SCFD2: variants seen among roughly 807,000 people sequenced by gnomAD.
SCFD2 encodes sec1 family domain-containing protein 2.
In SCFD2, 54 loss-of-function variants were observed where a neutral mutation model predicts 58.9. The observed-to-expected ratio is 0.92, with a 90% CI of 0.74 to 1.15. The LOEUF is 1.15. Ranked by LOEUF, SCFD2 falls within the 50% of genes most tolerant of loss-of-function variation. The pLI, the probability that SCFD2 is intolerant of heterozygous loss-of-function variation, is 0.00. For missense variants in SCFD2, 805 were observed against 836.6 expected (o/e 0.96, Z 0.47); for synonymous variants, 321 against 335.9 (o/e 0.96, Z 0.49).
At chr4:53,341,333 G>A (rs1352041704) in intron 2 of SCFD2, among the ~76,000 whole-genome samples, 2 of 152,148 alleles carry the variant, frequency 1.3e-5, no homozygotes, top group Non-Finnish European at 2.9e-5. Context: ...TAGCCAATTC[G>A]ATCAAGTGGA....
intron 4 of SCFD2, among the ~76,000 whole-genome samples, chr4:53,193,181 T>C (rs1727963299): frequency 6.6e-6 from 1 of 152,088 alleles, no homozygotes; most frequent in South Asian, 2.1e-4. Flanking sequence ...GGAATGACAA[T>C]GTTAAGAAGT....
chr4:53,221,637 G>T (rs996593023), intron 4 of SCFD2, among the ~76,000 whole-genome samples: 1 of 152,168 alleles, frequency 6.6e-6, no homozygotes, highest in Non-Finnish European at 1.5e-5. Context: ...GAATATGATT[G>T]CTTGCTTACT....
chr4:53,127,581 G>A (rs756314834), intron 5 of SCFD2, among the ~76,000 whole-genome samples: 1 of 152,162 alleles, frequency 6.6e-6, no homozygotes, highest in Non-Finnish European at 1.5e-5. Flanking sequence ...CATTGAGCTG[G>A]TCTGGAGGTT....
intron 2 of SCFD2, among the ~76,000 whole-genome samples, chr4:53,343,189 T>G (rs992218072): frequency 6.6e-6 from 1 of 151,888 alleles, no homozygotes; most frequent in Non-Finnish European, 1.5e-5. Context: ...TCTGAAAAGA[T>G]CAACAAAATT....
chr4:53,112,165 C>T (rs113927089), intron 5 of SCFD2, among the ~76,000 whole-genome samples: 1,928 of 152,152 alleles, frequency 0.013, 42 homozygotes, highest in African/African-American at 0.044. Context: ...CACTCTGCTA[C>T]ATTGCTTGAA....
At chr4:53,304,709 T>C (rs764031162) in intron 3 of SCFD2, among the ~76,000 whole-genome samples, 8 of 152,036 alleles carry the variant, frequency 5.3e-5, no homozygotes, top group Non-Finnish European at 1.0e-4. Flanking sequence ...CTGGTTATTC[T>C]AGTTCGCTAT....
At chr4:52,892,813 A>G (rs1003211362) in intron 7 of SCFD2, among the ~76,000 whole-genome samples, 1 of 152,162 alleles carries the variant, frequency 6.6e-6, no homozygotes, top group Admixed American at 6.5e-5. Flanking sequence ...TTGTCTCTAT[A>G]TCTTCCTTAA....
chr4:53,231,379 T>A (rs1729434951), intron 4 of SCFD2, among the ~76,000 whole-genome samples: 1 of 152,150 alleles, frequency 6.6e-6, no homozygotes, highest in Non-Finnish European at 1.5e-5. Flanking sequence ...GTCTAATAGG[T>A]GGCTCGATAA....
chr4:53,044,622 TC>T (rs1288761833), intron 5 of SCFD2, among the ~76,000 whole-genome samples: 3 of 2,238 alleles, frequency 1.3e-3, no homozygotes, highest in African/African-American at 1.9e-3. Flanking sequence ...CCTCCCTTCT[TC>T]CCTCCCTCCC....
At chr4:53,254,056 C>T (rs1730503721) in intron 4 of SCFD2, among the ~76,000 whole-genome samples, 1 of 151,900 alleles carries the variant, frequency 6.6e-6, no homozygotes, top group African/African-American at 2.4e-5. Context: ...AACACATGGA[C>T]AAATAGAGGG....
intron 4 of SCFD2, among the ~76,000 whole-genome samples, chr4:53,194,587 T>C (rs539454385): frequency 6.6e-6 from 1 of 152,312 alleles, no homozygotes; most frequent in South Asian, 2.1e-4. Context: ...TTTCAATTTA[T>C]TGTTGAAACT....
chr4:53,091,754 G>C (rs1016227512), intron 5 of SCFD2, among the ~76,000 whole-genome samples: 3 of 152,072 alleles, frequency 2.0e-5, no homozygotes, highest in Non-Finnish European at 4.4e-5. Context: ...GAGGAGAGAT[G>C]CACTCTGAAA....
intron 8 of SCFD2, among the ~76,000 whole-genome samples, chr4:52,875,967 T>C (rs1718464088): frequency 1.3e-5 from 2 of 151,320 alleles, no homozygotes; most frequent in East Asian, 1.9e-4. Flanking sequence ...TGGGTGAAGA[T>C]TGGCCTTCTC....
In SCFD2 at chr4:53,124,708, T is replaced by A. The variant is rs1424795969; in HGVS notation, c.1561+20625A>T. Among the ~76,000 whole-genome samples the A allele has an allele frequency of 3.3e-5, 5 of 152,286 alleles. No homozygotes were observed. In the East Asian group the frequency reaches 9.6e-4, roughly 29 times the overall value. ...AGAACCAGGTCTAGACCCCAAAGGA[T>A]CAGCTATAAATCTAGCCTCCATTGA... On this transcript the variant is annotated intron_variant, in intron 5 of 8. Coordinates refer to ENST00000401642, the MANE Select transcript of SCFD2 (RefSeq NM_152540.4).
intron 5 of SCFD2, among the ~76,000 whole-genome samples, chr4:52,928,026 T>C (rs1719901661): frequency 6.6e-6 from 1 of 152,162 alleles, no homozygotes; most frequent in Non-Finnish European, 1.5e-5. Context: ...CTAATGTGAG[T>C]TTAAGTTCTA....
At chr4:53,311,478 G>A (rs1051680131) in intron 3 of SCFD2, among the ~76,000 whole-genome samples, 27 of 151,722 alleles carry the variant, frequency 1.8e-4, no homozygotes, top group African/African-American at 5.3e-4. Flanking sequence ...TCAAAGATAC[G>A]GCCCTTTAGA....
In SCFD2 at chr4:52,920,735, T is replaced by C. The variant is rs923291173; in HGVS notation, c.1697A>G (p.His566Arg). 1 of 1,602,860 alleles carries C rather than the reference T, an allele frequency of 6.2e-7. No individual in the cohort carries two copies. The highest frequency in any genetic ancestry group is 8.5e-7 in the Non-Finnish European group (1 of 1,174,384). Residue 566 changes from histidine to arginine, a missense_variant, in exon 6 of 9, where the codon CAT becomes CGT. His to Arg is a conservative substitution (Grantham distance 29). This residue lies in a region of SCFD2 where 633 missense variants were observed against 646.8 expected (regional missense o/e 0.98). Coordinates refer to ENST00000401642, the MANE Select transcript of SCFD2 (RefSeq NM_152540.4). ...QFKSVYVPGN[H>R]THQASYKPLL... Reference sequence around the variant, plus strand: ...AACGTATATACTTGCCTGGTGGGTATGATTTCCAGGAACATATACAGACTT... The same window carrying C: ...AACGTATATACTTGCCTGGTGGGTACGATTTCCAGGAACATATACAGACTT...
At chr4:52,899,668 C>T (rs938001958) in intron 7 of SCFD2, among the ~76,000 whole-genome samples, 1 of 152,160 alleles carries the variant, frequency 6.6e-6, no homozygotes, top group African/African-American at 2.4e-5. Flanking sequence ...GTGGCGTTCC[C>T]TGTATTTCCT....
chr4:53,238,536 C>A (rs1475364848), intron 4 of SCFD2, among the ~76,000 whole-genome samples: 1 of 151,296 alleles, frequency 6.6e-6, no homozygotes, highest in African/African-American at 2.4e-5. Context: ...GGGTGGCTGC[C>A]GGGCGGAGAC....
Sources: allele counts gnomAD v4.1 joint callset (sites outside exome capture counted in the v4.1 genomes callset), GRCh38; gene constraint gnomAD v4.1.1; regional missense constraint gnomAD v4.1.1; transcripts MANE v1.5; gene names NCBI Gene and HGNC (gene_info 2026-07-23, HGNC 2026-07-21).